SPOCK1: variants seen among roughly 807,000 people sequenced by gnomAD.
SPOCK1 encodes testican-1.
A neutral mutation model predicts 55.3 loss-of-function variants in SPOCK1; 23 were observed. The ratio of observed to expected loss-of-function variants is 0.42; its 90% CI spans 0.30 to 0.59. The LOEUF (loss-of-function observed/expected upper bound fraction) is 0.59, where lower values mean the gene tolerates loss of function less well. SPOCK1 is among the 20% of genes least tolerant of loss of function. The pLI, the probability that SPOCK1 is intolerant of heterozygous loss-of-function variation, is 0.22. For synonymous variants in SPOCK1, 226 were observed against 221.0 expected (o/e 1.02, Z -0.20); for missense variants, 499 against 552.5 (o/e 0.90, Z 0.97).
chr5:136,996,672 C>T (rs1482074368), intron 6 of SPOCK1, among the ~76,000 whole-genome samples: 1 of 152,116 alleles, frequency 6.6e-6, no homozygotes, highest in Non-Finnish European at 1.5e-5. Flanking sequence ...TTATAAAATG[C>T]ACCAATCAGT....
chr5:137,389,595 T>C (rs550914359), intron 2 of SPOCK1, among the ~76,000 whole-genome samples: 1 of 152,322 alleles, frequency 6.6e-6, no homozygotes, highest in East Asian at 1.9e-4. Flanking sequence ...CACAGAGCAC[T>C]TGCAGGTCTG....
chr5:137,245,776 C>CAAAAAA (rs143599362), intron 3 of SPOCK1, among the ~76,000 whole-genome samples: 8 of 140,876 alleles, frequency 5.7e-5, no homozygotes, highest in Admixed American at 7.0e-5. Flanking sequence ...CAAAACAAAA[C>CAAAAAA]AAAAAAAAAA....
chr5:137,064,764 A>C (rs1752465059), intron 6 of SPOCK1, among the ~76,000 whole-genome samples: 1 of 152,212 alleles, frequency 6.6e-6, no homozygotes, highest in African/African-American at 2.4e-5. Context: ...AGCTGCATGG[A>C]AAGAGGTGTC....
At chr5:137,395,146 C>T (rs186638312) in intron 2 of SPOCK1, among the ~76,000 whole-genome samples, 1 of 152,182 alleles carries the variant, frequency 6.6e-6, no homozygotes, top group African/African-American at 2.4e-5. Context: ...CAGAACACTG[C>T]ATTTCTGCAG....
At chr5:137,016,039 G>A (rs1363691409) in intron 6 of SPOCK1, among the ~76,000 whole-genome samples, 1 of 152,156 alleles carries the variant, frequency 6.6e-6, no homozygotes, top group Admixed American at 6.5e-5. Flanking sequence ...GCTAGAGTTA[G>A]GCAGGTCAAC....
intron 4 of SPOCK1, among the ~76,000 whole-genome samples, chr5:137,128,908 C>T (rs2127043013): frequency 6.6e-6 from 1 of 152,298 alleles, no homozygotes; most frequent in Non-Finnish European, 1.5e-5. Context: ...ACCTCCTCTA[C>T]TAGTCTACAA....
chr5:136,996,687 T>A (rs1013473070), intron 6 of SPOCK1, among the ~76,000 whole-genome samples: 1 of 152,174 alleles, frequency 6.6e-6, no homozygotes, highest in Non-Finnish European at 1.5e-5. Context: ...ATCAGTGCTC[T>A]GTAAAAATGT....
chr5:137,335,663 A>G, intron 2 of SPOCK1, among the ~76,000 whole-genome samples: 1 of 152,232 alleles, frequency 6.6e-6, no homozygotes, highest in East Asian at 1.9e-4. Flanking sequence ...TCCCTCTTCA[A>G]GTAAGCACAC....
chr5:137,081,291 A>G (rs1752874047), intron 5 of SPOCK1, among the ~76,000 whole-genome samples: 1 of 152,252 alleles, frequency 6.6e-6, no homozygotes, highest in Non-Finnish European at 1.5e-5. Flanking sequence ...ATCAGGGAGA[A>G]GAAATGCAGA....
At chr5:137,031,925 CACAT>C (rs556321318) in intron 6 of SPOCK1, among the ~76,000 whole-genome samples, 4 of 150,920 alleles carry the variant, frequency 2.7e-5, no homozygotes, top group African/African-American at 7.3e-5. Flanking sequence ...TACATACACA[CACAT>C]ACATACATAT....
At chr5:137,432,230 A>G (rs2149829225) in intron 2 of SPOCK1, among the ~76,000 whole-genome samples, 1 of 152,342 alleles carries the variant, frequency 6.6e-6, no homozygotes, top group Non-Finnish European at 1.5e-5. Context: ...GAATTACCAT[A>G]TAACTCAGCA....
chr5:137,135,798 A>T (rs1265257783), intron 4 of SPOCK1, among the ~76,000 whole-genome samples: 1 of 152,202 alleles, frequency 6.6e-6, no homozygotes, highest in African/African-American at 2.4e-5. Flanking sequence ...AGATTCATCC[A>T]TTATGTTGGA....
At chr5:137,296,481 G>A (rs1371905576) in intron 2 of SPOCK1, among the ~76,000 whole-genome samples, 2 of 152,184 alleles carry the variant, frequency 1.3e-5, no homozygotes, top group Non-Finnish European at 2.9e-5. Flanking sequence ...GCATGGCATG[G>A]CCGACTGAAC....
intron 3 of SPOCK1, among the ~76,000 whole-genome samples, chr5:137,172,949 G>A (rs997819439): frequency 7.9e-5 from 12 of 152,176 alleles, no homozygotes; most frequent in African/African-American, 2.9e-4. Flanking sequence ...GGTTGACCAG[G>A]ACACAAGTGA....
chr5:137,111,742 T>C (rs1281647244), intron 5 of SPOCK1, among the ~76,000 whole-genome samples: 1 of 152,136 alleles, frequency 6.6e-6, no homozygotes, highest in East Asian at 1.9e-4. Context: ...AGAGCTTAGG[T>C]GAAATGCCCC....
chr5:137,088,586 G>C (rs1384642624), intron 5 of SPOCK1, among the ~76,000 whole-genome samples: 1 of 152,148 alleles, frequency 6.6e-6, no homozygotes. Context: ...TTCACCCCCA[G>C]TCCTCCAGAT....
intron 2 of SPOCK1, among the ~76,000 whole-genome samples, chr5:137,440,014 C>T (rs908136091): frequency 6.6e-5 from 10 of 151,424 alleles, no homozygotes; most frequent in Non-Finnish European, 8.8e-5. Context: ...AAGCCTTTCA[C>T]GGGAAAATGG....
Position 137,494,894 on chromosome 5 carries a change from G to C in SPOCK1, c.186+3479C>G, listed in dbSNP as rs527393879. Among the ~76,000 whole-genome samples, 3 of 152,202 alleles carry C rather than the reference G, an allele frequency of 2.0e-5. No homozygotes were observed. In the South Asian group the frequency reaches 6.2e-4, roughly 32 times the overall value. On this transcript the variant is annotated intron_variant, in intron 2 of 10. Coordinates refer to ENST00000394945, the MANE Select transcript of SPOCK1 (RefSeq NM_004598.4). ...CAAATCAGATGCAGAAAAATTAGGA[G>C]AATGGTTGTGGCATCTTGATCCCTC...
chr5:137,013,596 G>A (rs553978573), intron 6 of SPOCK1, among the ~76,000 whole-genome samples: 5 of 152,248 alleles, frequency 3.3e-5, no homozygotes, highest in Admixed American at 2.0e-4. Context: ...TGATCTATGT[G>A]TAGTCCGAAT....
Sources: gnomAD v4.1 joint callset for allele counts (sites outside exome capture counted in the v4.1 genomes callset) on GRCh38, gnomAD v4.1.1 for gene constraint, MANE v1.5 for transcripts, NCBI Gene and HGNC (gene_info 2026-07-23, HGNC 2026-07-21) for gene names.